Variants in ARHGEF9 observed in about 807,000 individuals in gnomAD.
ARHGEF9 encodes the protein Cdc42 guanine nucleotide exchange factor 9.
Under a neutral mutation model 41.3 loss-of-function variants are expected in ARHGEF9, and 2 were observed. That is an observed-to-expected ratio of 0.05 (90% CI 0.02 to 0.15). The LOEUF (loss-of-function observed/expected upper bound fraction) is 0.15, where lower values mean the gene tolerates loss of function less well. Ranked by LOEUF, ARHGEF9 falls within the 10% of genes least tolerant of loss-of-function variation. The pLI is 1.00. For synonymous variants in ARHGEF9, 160 were observed against 154.4 expected, an observed-to-expected ratio of 1.04 and a Z score of -0.27; for missense variants, 225 against 424.7, an observed-to-expected ratio of 0.53 and a Z score of 4.13.
At chrX:63,674,787 T>C (rs1360125490) in intron 5 of ARHGEF9, among the ~76,000 whole-genome samples, 2 of 111,297 alleles carry the variant, frequency 1.8e-5, no homozygotes, top group Non-Finnish European at 1.9e-5. Context: ...CAAGAGACTT[T>C]CCCCCCTACC....
intron 6 of ARHGEF9, among the ~76,000 whole-genome samples, chrX:63,666,351 A>G (rs1295755328): frequency 9.9e-6 from 1 of 101,119 alleles, no homozygotes; most frequent in Non-Finnish European, 2.0e-5. Flanking sequence ...CTCTCTCTCT[A>G]CATACACACA....
chrX:63,658,925 T>C (rs1381973002), intron 7 of ARHGEF9, among the ~76,000 whole-genome samples: 6 of 111,886 alleles, frequency 5.4e-5, no homozygotes, highest in Non-Finnish European at 9.4e-5. Flanking sequence ...GGCCCAACTA[T>C]GCTTCCTATT....
At chrX:63,684,517 C>T (rs1292628874) in intron 4 of ARHGEF9, among the ~76,000 whole-genome samples, 2 of 110,997 alleles carry the variant, frequency 1.8e-5, no homozygotes, top group African/African-American at 3.3e-5. Flanking sequence ...CCAGTAATCC[C>T]TCTTTTGAGT....
At chrX:63,751,788 T>C (rs1416472433) in intron 1 of ARHGEF9, among the ~76,000 whole-genome samples, 4 of 110,961 alleles carry the variant, frequency 3.6e-5, no homozygotes, top group African/African-American at 6.6e-5. Context: ...CAATACTGTC[T>C]TTCTTCATTC....
intron 2 of ARHGEF9, among the ~76,000 whole-genome samples, chrX:63,706,678 T>C (rs2052568169): frequency 9.0e-6 from 1 of 111,679 alleles, no homozygotes; most frequent in Non-Finnish European, 1.9e-5. Flanking sequence ...GTGGAGGGAC[T>C]AAATTCATTC....
chrX:63,755,118 C>T, intron 1 of ARHGEF9: 1 of 938,917 alleles, frequency 1.1e-6, no homozygotes, highest in Non-Finnish European at 1.3e-6. Context: ...CTCTTCTCTC[C>T]CCATCCCCCG....
At chrX:63,710,380 T>A (rs2052854929) in intron 2 of ARHGEF9, among the ~76,000 whole-genome samples, 1 of 98,974 alleles carries the variant, frequency 1.0e-5, no homozygotes, top group African/African-American at 3.8e-5. Flanking sequence ...ATAACTAACA[T>A]CAATCTTTCA....
intron 1 of ARHGEF9, among the ~76,000 whole-genome samples, chrX:63,760,880 C>A (rs782606469): frequency 8.9e-6 from 1 of 112,096 alleles, no homozygotes; most frequent in Admixed American, 9.4e-5. Flanking sequence ...CATAACCATA[C>A]AAGTTTGAGG....
intron 8 of ARHGEF9, among the ~76,000 whole-genome samples, chrX:63,648,475 T>A (rs192987957): frequency 1.8e-5 from 2 of 110,772 alleles, no homozygotes; most frequent in African/African-American, 3.3e-5. Context: ...AGGAACAACC[T>A]GTACCAGCCA....
chrX:63,645,360 T>G (rs1206191466), intron 8 of ARHGEF9, among the ~76,000 whole-genome samples: 55 of 110,937 alleles, frequency 5.0e-4, no homozygotes, highest in Non-Finnish European at 9.8e-4. Flanking sequence ...GTATATCTCC[T>G]AATGCTTTCC....
At chrX:63,716,293 A>G (rs192455416) in intron 2 of ARHGEF9, among the ~76,000 whole-genome samples, 2 of 103,685 alleles carry the variant, frequency 1.9e-5, no homozygotes, top group Admixed American at 1.0e-4. Context: ...TGTCTCAAAG[A>G]AAAAAAAAAA....
chrX:63,660,456 C>T (rs1177246903), intron 7 of ARHGEF9, among the ~76,000 whole-genome samples: 2 of 111,286 alleles, frequency 1.8e-5, no homozygotes, highest in African/African-American at 3.3e-5. Context: ...TCATTACCTG[C>T]GTGATGAAAT....
chrX:63,745,671 G>A (rs1556432747), intron 1 of ARHGEF9, among the ~76,000 whole-genome samples: 1 of 111,453 alleles, frequency 9.0e-6, no homozygotes, highest in East Asian at 2.8e-4. Flanking sequence ...AAAAAGGAAT[G>A]GGGGCAGTGT....
chrX:63,647,559 C>T (rs782431242), intron 8 of ARHGEF9, among the ~76,000 whole-genome samples: 14 of 111,469 alleles, frequency 1.3e-4, no homozygotes, highest in African/African-American at 4.2e-4. Context: ...GTTGAACCAG[C>T]CTTGCAACCC....
At chrX:63,732,987 C>A (rs2054404967) in intron 1 of ARHGEF9, among the ~76,000 whole-genome samples, 1 of 111,879 alleles carries the variant, frequency 8.9e-6, no homozygotes, top group Non-Finnish European at 1.9e-5. Flanking sequence ...CTCTCTGCCT[C>A]TTTCAGTAAC....
At chrX:63,649,978 G>T (rs1350907240) in intron 8 of ARHGEF9, among the ~76,000 whole-genome samples, 2 of 111,532 alleles carry the variant, frequency 1.8e-5, no homozygotes, top group Non-Finnish European at 3.8e-5. Flanking sequence ...CTTAAATCCT[G>T]AAAGTAGGAA....
intron 5 of ARHGEF9, among the ~76,000 whole-genome samples, chrX:63,675,660 G>C (rs2147318100): frequency 8.9e-6 from 1 of 112,248 alleles, no homozygotes; most frequent in African/African-American, 3.2e-5. Flanking sequence ...TTCCGTAGTA[G>C]AGCCATCACA....
intron 1 of ARHGEF9, among the ~76,000 whole-genome samples, chrX:63,731,094 T>C (rs1205738340): frequency 8.9e-6 from 1 of 111,829 alleles, no homozygotes; most frequent in Non-Finnish European, 1.9e-5. Context: ...ATAGCAAATA[T>C]GCCAATTGCC....
At chrX:63,741,576 T>G (rs2054949014) in intron 1 of ARHGEF9, among the ~76,000 whole-genome samples, 1 of 112,334 alleles carries the variant, frequency 8.9e-6, no homozygotes, top group Non-Finnish European at 1.9e-5. Context: ...GTGTGGAGTG[T>G]TGTTTGCCCA....
Sources: allele counts gnomAD v4.1 joint callset (sites outside exome capture counted in the v4.1 genomes callset), GRCh38; gene constraint gnomAD v4.1.1; transcripts MANE v1.5; gene names NCBI Gene and HGNC (gene_info 2026-07-23, HGNC 2026-07-21).